The following TENM3 variants were observed in gnomAD, a reference collection of about 807,000 sequenced individuals.
TENM3 encodes teneurin transmembrane protein 3, also known as teneurin-3.
TENM3 carries 63 observed loss-of-function variants against 255.1 expected under a neutral mutation model. The ratio of observed to expected loss-of-function variants is 0.25; its 90% CI spans 0.20 to 0.30. The LOEUF is 0.30. Among genes scored for constraint, TENM3 ranks in the 10% least tolerant of loss-of-function variants. The probability of loss-of-function intolerance (pLI) is 1.00; values close to 1 mark genes in which losing one functional copy is unlikely to be tolerated. For missense variants in TENM3, 2,929 were observed against 3,461.1 expected, an observed-to-expected ratio of 0.85 and a Z score of 3.86; for synonymous variants, 1,306 against 1,322.3, an observed-to-expected ratio of 0.99 and a Z score of 0.27.
chr4:182,736,712 T>A lies in TENM3; in HGVS notation c.2968-96T>A, dbSNP rs901663771. 5 of 1,165,078 alleles carry A rather than the reference T, an allele frequency of 4.3e-6. No individual in the cohort carries two copies. The African/African-American group carries it at 7.8e-5, about 18-fold the overall frequency. The allele number at this position is 1,165,078 out of a possible 1,614,324, so 72.2% of individuals were successfully genotyped here. On this transcript the variant is annotated intron_variant, in intron 16 of 27. Coordinates refer to ENST00000511685, the MANE Select transcript of TENM3 (RefSeq NM_001080477.4). ...AGTAAACTAAGACACAGAGAGTCAC[T>A]ATTCACAAATATAGTGAATATGTGC...
chr4:181,928,528 A>T, the TENM3 span, among the ~76,000 whole-genome samples: 3 of 151,998 alleles, frequency 2.0e-5, no homozygotes, highest in Admixed American at 2.0e-4. Context: ...ATATGGGACT[A>T]CGTGAAAAGA....
At chr4:182,618,619 G>A (rs1223413798) in intron 4 of TENM3, among the ~76,000 whole-genome samples, 1 of 121,440 alleles carries the variant, frequency 8.2e-6, no homozygotes, top group African/African-American at 2.6e-5. Context: ...AAGACATGGG[G>A]TTTAAAAAAA....
intron 6 of TENM3, among the ~76,000 whole-genome samples, chr4:182,657,391 C>T (rs1256949824): frequency 5.9e-5 from 9 of 152,156 alleles, no homozygotes. Context: ...AAGGGGAGCT[C>T]TCATTTTCTG....
intron 6 of TENM3, among the ~76,000 whole-genome samples, chr4:182,661,693 A>G (rs1428696059): frequency 6.6e-6 from 1 of 152,230 alleles, no homozygotes. Flanking sequence ...AAGCCAGGGT[A>G]TGAATCCAAG....
the TENM3 span, among the ~76,000 whole-genome samples, chr4:181,808,170 C>T: frequency 2.6e-5 from 4 of 152,214 alleles, no homozygotes; most frequent in South Asian, 2.1e-4. Flanking sequence ...TTCTAAACTG[C>T]GGCTGGTCAT....
At chr4:181,893,628 T>C in the TENM3 span, among the ~76,000 whole-genome samples, 6 of 152,082 alleles carry the variant, frequency 3.9e-5, no homozygotes, top group African/African-American at 1.2e-4. Context: ...CATTTATATT[T>C]GTGCTTTTAT....
chr4:181,816,856 A>G, the TENM3 span, among the ~76,000 whole-genome samples: 1 of 152,222 alleles, frequency 6.6e-6, no homozygotes, highest in Non-Finnish European at 1.5e-5. Context: ...GATTATTGTC[A>G]TAACTTGCCG....
chr4:182,034,675 G>A, the TENM3 span, among the ~76,000 whole-genome samples: 1 of 152,088 alleles, frequency 6.6e-6, no homozygotes, highest in Admixed American at 6.5e-5. Flanking sequence ...ATTTTGGGTT[G>A]GAAATTATTT....
At chr4:181,879,551 A>G in the TENM3 span, among the ~76,000 whole-genome samples, 2 of 152,214 alleles carry the variant, frequency 1.3e-5, no homozygotes, top group Non-Finnish European at 2.9e-5. Flanking sequence ...ACTGCTCGTA[A>G]TCTCTTCTCA....
At position 182,148,495 on chromosome 4, in the gene TENM3, C is replaced by G. The variant is rs534341008; in HGVS notation, c.-76+3741C>G. Among the ~76,000 whole-genome samples, 53 of 152,182 alleles carry G rather than the reference C, an allele frequency of 3.5e-4. 1 individual carries two copies. The highest frequency in any genetic ancestry group is 1.2e-3 in the African/African-American group (48 of 41,564). ...TATTTTCCCAAAATGCAATATGCCT[C>G]AAGGCATATTTTCTTGCCCATCAAA... is the stretch of plus-strand genomic sequence containing the variant. On this transcript the variant is annotated intron_variant, in intron 1 of 2. Coordinates refer to the TENM3 transcript ENST00000512480.
At chr4:181,518,416 T>A in the TENM3 span, among the ~76,000 whole-genome samples, 1 of 152,072 alleles carries the variant, frequency 6.6e-6, no homozygotes, top group African/African-American at 2.4e-5. Context: ...TTGTTGTTGT[T>A]GTTTGGTTTG....
At chr4:182,602,988 C>G (rs997817534) in intron 4 of TENM3, among the ~76,000 whole-genome samples, 1 of 152,116 alleles carries the variant, frequency 6.6e-6, no homozygotes, top group African/African-American at 2.4e-5. Context: ...AACACAAAAG[C>G]CTCAAAAACT....
intron 3 of TENM3, among the ~76,000 whole-genome samples, chr4:182,505,572 A>G (rs1240448261): frequency 6.6e-6 from 1 of 151,942 alleles, no homozygotes; most frequent in Non-Finnish European, 1.5e-5. Context: ...TCCACCTCCC[A>G]GGTTCAAGCG....
chr4:182,588,356 T>A (rs1746254241), intron 3 of TENM3, among the ~76,000 whole-genome samples: 1 of 152,224 alleles, frequency 6.6e-6, no homozygotes, highest in Admixed American at 6.5e-5. Flanking sequence ...TTGAACTATG[T>A]GATTTGCTTT....
At chr4:181,535,499 A>T in the TENM3 span, among the ~76,000 whole-genome samples, 4,021 of 152,200 alleles carry the variant, frequency 0.026, 191 homozygotes, top group African/African-American at 0.091. Flanking sequence ...TCCTTAATAA[A>T]CAGGGTAATC....
chr4:181,898,696 G>T, the TENM3 span, among the ~76,000 whole-genome samples: 1 of 152,008 alleles, frequency 6.6e-6, no homozygotes, highest in East Asian at 1.9e-4. Context: ...CTACATTTCT[G>T]TTGGGAAAAT....
At chr4:181,851,430 C>T in the TENM3 span, among the ~76,000 whole-genome samples, 3 of 152,152 alleles carry the variant, frequency 2.0e-5, no homozygotes, top group East Asian at 1.9e-4. Context: ...AGTTTTAGCA[C>T]TCCCAGAAGA....
At chr4:181,982,210 G>C in the TENM3 span, among the ~76,000 whole-genome samples, 1 of 152,122 alleles carries the variant, frequency 6.6e-6, no homozygotes, top group Admixed American at 6.6e-5. Context: ...AATTTCAGCG[G>C]CGCGATTAAG....
At chr4:182,095,836 A>C in the TENM3 span, among the ~76,000 whole-genome samples, 2 of 152,156 alleles carry the variant, frequency 1.3e-5, no homozygotes, top group Admixed American at 6.5e-5. Context: ...GTATCCTATA[A>C]ATATGTATAA....
Sources: gnomAD v4.1 joint callset for allele counts (sites outside exome capture counted in the v4.1 genomes callset) on GRCh38, gnomAD v4.1.1 for gene constraint, MANE v1.5 for transcripts, NCBI Gene and HGNC (gene_info 2026-07-23, HGNC 2026-07-21) for gene names.